The following NRXN2 variants were observed in gnomAD, a reference collection of about 807,000 sequenced individuals.
The protein encoded by NRXN2 is neurexin 2.
Under a neutral mutation model 128.8 loss-of-function variants are expected in NRXN2, and 29 were observed. The observed-to-expected ratio is 0.23, with a 90% CI of 0.17 to 0.31. The LOEUF (loss-of-function observed/expected upper bound fraction) is 0.31. Among genes scored for constraint, NRXN2 ranks in the 10% least tolerant of loss-of-function variants. NRXN2 has a pLI of 1.00. For synonymous variants in NRXN2, 1,098 were observed against 1,075.2 expected (o/e 1.02, Z -0.41); for missense variants, 1,881 against 2,452.6 (o/e 0.77, Z 4.92).
intron 3 of NRXN2, 37 bp from the exon 4 acceptor site, chr11:64,692,913 A>G: frequency 6.5e-7 from 1 of 1,545,804 alleles, no homozygotes; most frequent in African/African-American, 1.4e-5. Flanking sequence ...AGAAAGAAAA[A>G]AAGAAGAAGA....
intron 1 of NRXN2, among the ~76,000 whole-genome samples, chr11:64,716,592 G>A (rs1370151068): frequency 6.6e-6 from 1 of 152,168 alleles, no homozygotes; most frequent in Admixed American, 6.5e-5. Context: ...CTGTGAGCCG[G>A]TTCAGGGGCA....
chr11:64,682,192 G>A (rs1014520587), intron 6 of NRXN2, among the ~76,000 whole-genome samples: 3 of 149,516 alleles, frequency 2.0e-5, no homozygotes, highest in Non-Finnish European at 3.0e-5. Flanking sequence ...TTCCATCCTT[G>A]AGGACTGCAT....
At chr11:64,702,703 C>G (rs540589074) in intron 2 of NRXN2, among the ~76,000 whole-genome samples, 1 of 149,484 alleles carries the variant, frequency 6.7e-6, no homozygotes, top group Non-Finnish European at 1.5e-5. Flanking sequence ...AACCAGAGAC[C>G]TTTGTTCACT....
At chr11:64,625,214 G>C (rs2042915697) in intron 20 of NRXN2, among the ~76,000 whole-genome samples, 1 of 152,188 alleles carries the variant, frequency 6.6e-6, no homozygotes, top group Admixed American at 6.5e-5. Flanking sequence ...CTGCTCTTGG[G>C]GTCACAAGTT....
At chr11:64,700,325 G>C (rs75758799) in intron 2 of NRXN2, among the ~76,000 whole-genome samples, 1 of 152,088 alleles carries the variant, frequency 6.6e-6, no homozygotes, top group African/African-American at 2.4e-5. Context: ...AGCCATTCTC[G>C]ACACCTCCAC....
chr11:64,617,652 G>T (rs559834955), intron 22 of NRXN2, among the ~76,000 whole-genome samples: 1 of 152,172 alleles, frequency 6.6e-6, no homozygotes, highest in African/African-American at 2.4e-5. Context: ...GGTCTCCAGC[G>T]AGGCTGCCCC....
intron 18 of NRXN2, among the ~76,000 whole-genome samples, chr11:64,633,910 C>T (rs989768725): frequency 5.9e-5 from 9 of 152,154 alleles, no homozygotes; most frequent in Admixed American, 1.3e-4. Context: ...CCTTCTGCAC[C>T]CCTTCCTCAT....
chr11:64,607,652 C>G lies in NRXN2; in HGVS notation c.4683G>C (p.Pro1561=). The change falls in exon 23 of 23, where the codon CCG becomes CCC. Residue 1561 remains proline (P), a synonymous_variant. Coordinates refer to ENST00000265459, the MANE Select transcript of NRXN2 (RefSeq NM_015080.4). ...GGTCTCGGTGGTTCATTTTGCCCGC[C>G]GGCAGGTTGGGGGCCGGGGCGGAGG... The part of the protein sequence containing the change: ...FAPSAPAPNL[P]AGKMNHRDPL... 2 of 1,521,202 alleles carry G rather than the reference C, an allele frequency of 1.3e-6. No homozygotes were observed. Among genetic ancestry groups the G allele is most frequent in the Non-Finnish European group, 1.8e-6 (2 of 1,132,516 alleles). 94.2% of individuals were successfully genotyped at this position (1,521,202 alleles called of 1,614,324 possible). A position where few individuals can be genotyped will look rare whatever the true frequency, so the allele number is the denominator to read the frequency against.
At chr11:64,719,960 A>G (rs941820880) in intron 1 of NRXN2, among the ~76,000 whole-genome samples, 1 of 152,210 alleles carries the variant, frequency 6.6e-6, no homozygotes, top group East Asian at 1.9e-4. Flanking sequence ...CCTCAAAGTA[A>G]GGTTTACAGA....
chr11:64,662,317 G>A (rs1037143381), intron 9 of NRXN2, among the ~76,000 whole-genome samples: 2 of 151,914 alleles, frequency 1.3e-5, no homozygotes, highest in African/African-American at 4.8e-5. Context: ...AGGAGGAGGA[G>A]GAGGAAGGAG....
intron 3 of NRXN2, among the ~76,000 whole-genome samples, chr11:64,694,743 C>A (rs1157046118): frequency 6.6e-6 from 1 of 152,158 alleles, no homozygotes. Context: ...TCCTTCCAAA[C>A]CCCCTAAACC....
At chr11:64,683,197 C>T (rs918867736) in intron 6 of NRXN2, among the ~76,000 whole-genome samples, 2 of 152,212 alleles carry the variant, frequency 1.3e-5, no homozygotes, top group African/African-American at 2.4e-5. Context: ...TGTCATTTCT[C>T]CCTGTCCTTG....
Position 64,620,378 on chromosome 11 carries a change from G to A in NRXN2, c.4174-6C>T, listed in dbSNP as rs150729380. ...ACCAGCAGGTCATCTGTGTTCTGAGGGGCGAGAGAAGGGGTGGGGAAAGAG... is the reference window on the plus strand; with the variant it reads ...ACCAGCAGGTCATCTGTGTTCTGAGAGGCGAGAGAAGGGGTGGGGAAAGAG... On this transcript the variant is annotated splice_polypyrimidine_tract_variant and splice_region_variant and intron_variant, in intron 21 of 22. Coordinates refer to ENST00000265459, the MANE Select transcript of NRXN2 (RefSeq NM_015080.4). The A allele has an allele frequency of 1.9e-6, 3 of 1,551,906 alleles. No homozygotes were observed. Among genetic ancestry groups the A allele is most frequent in the South Asian group, 1.2e-5 (1 of 84,094 alleles).
In NRXN2 at chr11:64,692,922, GA is replaced by G. The variant is rs1397639727; in HGVS notation, c.749-47del. 4 of 1,503,020 alleles carry G rather than the reference GA, an allele frequency of 2.7e-6. No individual in the cohort carries two copies. In the East Asian group the frequency reaches 6.9e-5, roughly 26 times the overall value. 93.1% of individuals were successfully genotyped at this position (1,503,020 alleles called of 1,614,324 possible). The stretch of plus-strand genomic sequence containing the variant: ...AAAGAAAGAAAGAAAAAAAGAAGAA[GA>G]AAAAAGAAAGAAAAGGGGAAAGAAA... On this transcript the variant is annotated intron_variant, in intron 3 of 22. Coordinates refer to ENST00000265459, the MANE Select transcript of NRXN2 (RefSeq NM_015080.4).
intron 1 of NRXN2, among the ~76,000 whole-genome samples, chr11:64,721,477 C>T (rs2057430811): frequency 6.6e-6 from 1 of 151,942 alleles, no homozygotes; most frequent in Non-Finnish European, 1.5e-5. Context: ...CCCAGCCAGA[C>T]CCTTCTCCCC....
chr11:64,630,282 C>G lies in NRXN2; in HGVS notation c.3757+120G>C. On this transcript the variant is annotated intron_variant, in intron 19 of 22. Coordinates refer to ENST00000265459, the MANE Select transcript of NRXN2 (RefSeq NM_015080.4). The surrounding 1 kb of genome is among the most constrained non-coding windows in gnomAD (Gnocchi z 4.6). Reference sequence around the variant, plus strand: ...AGCTTCGTCTCTCCAGTAGCCCCGCCCCAGAGCCGCTTAGCCCCGCCCCAG... The same window carrying G: ...AGCTTCGTCTCTCCAGTAGCCCCGCGCCAGAGCCGCTTAGCCCCGCCCCAG... The G allele has an allele frequency of 1.1e-6, 1 of 944,850 alleles. No individual in the cohort carries two copies. The highest frequency in any genetic ancestry group is 1.5e-6 in the Non-Finnish European group (1 of 655,748). The allele number at this position is 944,850 out of a possible 1,614,324, so 58.5% of individuals were successfully genotyped here.
intron 19 of NRXN2, among the ~76,000 whole-genome samples, chr11:64,629,260 A>G (rs1229111789): frequency 6.6e-6 from 1 of 152,098 alleles, no homozygotes; most frequent in African/African-American, 2.4e-5. Flanking sequence ...TGTGACTGCA[A>G]TGTCGCTCAG....
intron 1 of NRXN2, among the ~76,000 whole-genome samples, chr11:64,717,718 G>A (rs2057337867): frequency 2.0e-5 from 3 of 152,244 alleles, no homozygotes; most frequent in Non-Finnish European, 2.9e-5. Flanking sequence ...TGGACCCCAT[G>A]TGCGCTGTCT....
At chr11:64,684,472 G>A in intron 6 of NRXN2, among the ~76,000 whole-genome samples, 1 of 152,186 alleles carries the variant, frequency 6.6e-6, no homozygotes, top group South Asian at 2.1e-4. Context: ...GAGCCCGGCT[G>A]CAACAGGTAG....
Sources: gnomAD v4.1 joint callset for allele counts (sites outside exome capture counted in the v4.1 genomes callset) on GRCh38, gnomAD v4.1.1 for gene constraint, Gnocchi (gnomAD v3.1) non-coding constraint, MANE v1.5 for transcripts, NCBI Gene and HGNC (gene_info 2026-07-23, HGNC 2026-07-21) for gene names.